CDYL2: variants seen among roughly 807,000 people sequenced by gnomAD.
CDYL2 encodes chromodomain Y like 2, also known as chromodomain Y-like protein 2.
Under a neutral mutation model 49.4 loss-of-function variants are expected in CDYL2, and 23 were observed. The ratio of observed to expected loss-of-function variants is 0.47; its 90% CI spans 0.34 to 0.66. The LOEUF is 0.66. Ranked by LOEUF, CDYL2 falls within the 30% of genes least tolerant of loss-of-function variation. The probability of loss-of-function intolerance (pLI) is 0.01; values close to 1 mark genes in which losing one functional copy is unlikely to be tolerated. For missense variants in CDYL2, 678 were observed against 656.4 expected (o/e 1.03, Z -0.36); for synonymous variants, 360 against 268.8 (o/e 1.34, Z -3.32).
intron 2 of CDYL2, among the ~76,000 whole-genome samples, chr16:80,666,379 T>C (rs559150991): frequency 1.3e-5 from 2 of 152,320 alleles, no homozygotes; most frequent in South Asian, 2.1e-4. Context: ...ATAAATTACA[T>C]GATTTGGGCA....
chr16:80,688,195 G>A (rs1910274552), intron 1 of CDYL2, among the ~76,000 whole-genome samples: 1 of 152,172 alleles, frequency 6.6e-6, no homozygotes, highest in South Asian at 2.1e-4. Flanking sequence ...GGGACATCAA[G>A]GCTAGTTCTT....
intron 2 of CDYL2, among the ~76,000 whole-genome samples, chr16:80,651,164 T>C (rs1288617803): frequency 6.6e-6 from 1 of 152,200 alleles, no homozygotes; most frequent in African/African-American, 2.4e-5. Flanking sequence ...TACCCCATTT[T>C]CTATGATGTG....
intron 3 of CDYL2, among the ~76,000 whole-genome samples, chr16:80,622,941 C>T (rs1907147547): frequency 1.3e-5 from 2 of 152,114 alleles, no homozygotes; most frequent in African/African-American, 4.8e-5. Flanking sequence ...GTGAGGTGGG[C>T]ATTATTATTA....
In CDYL2 at chr16:80,612,599, C is replaced by G. The variant is rs138315376; in HGVS notation, c.1218+27G>C. 2 of 1,572,656 alleles carry G rather than the reference C, an allele frequency of 1.3e-6. No individual in the cohort carries two copies. Among genetic ancestry groups the G allele is most frequent in the African/African-American group, 2.7e-5 (2 of 73,796 alleles). ...GCAGAGGAAGGATCCTGCTGGGACCCGAATCCAGGTATCACAGGAGGCTTA... is the reference window on the plus strand; with the variant it reads ...GCAGAGGAAGGATCCTGCTGGGACCGGAATCCAGGTATCACAGGAGGCTTA... On this transcript the variant is annotated intron_variant, in intron 5 of 6. Coordinates refer to ENST00000570137, the MANE Select transcript of CDYL2 (RefSeq NM_152342.4). The surrounding 1 kb of genome is among the most constrained non-coding windows in gnomAD (Gnocchi z 5.0).
chr16:80,645,828 C>T (rs1034349059), intron 2 of CDYL2, among the ~76,000 whole-genome samples: 20 of 151,910 alleles, frequency 1.3e-4, no homozygotes, highest in Non-Finnish European at 2.6e-4. Flanking sequence ...AGTTCATGTC[C>T]TTTGTAGGGA....
At chr16:80,663,616 G>A (rs1407913403) in intron 2 of CDYL2, among the ~76,000 whole-genome samples, 1 of 151,872 alleles carries the variant, frequency 6.6e-6, no homozygotes, top group Non-Finnish European at 1.5e-5. Context: ...TTTTGAGACA[G>A]AGTTTCATTC....
intron 1 of CDYL2, among the ~76,000 whole-genome samples, chr16:80,721,598 C>T (rs908843738): frequency 6.6e-6 from 1 of 152,198 alleles, no homozygotes; most frequent in African/African-American, 2.4e-5. Flanking sequence ...TTCTTCTAAG[C>T]AGGTTTATAT....
intron 2 of CDYL2, among the ~76,000 whole-genome samples, chr16:80,640,269 G>A (rs924454069): frequency 2.0e-5 from 3 of 152,132 alleles, no homozygotes; most frequent in Non-Finnish European, 4.4e-5. Context: ...TTGCATTTTG[G>A]ATAACAGCTC....
intron 1 of CDYL2, among the ~76,000 whole-genome samples, chr16:80,718,756 G>C (rs570541202): frequency 4.7e-4 from 72 of 152,302 alleles, no homozygotes; most frequent in African/African-American, 1.7e-3. Context: ...AGAACAATGG[G>C]CCAGAGGGCA....
chr16:80,763,782 C>A lies in CDYL2; in HGVS notation c.24+40368G>T, dbSNP rs77852072. Among the ~76,000 whole-genome samples, 59 of 152,308 alleles carry A rather than the reference C, an allele frequency of 3.9e-4. No homozygotes were observed. In the East Asian group the frequency reaches 0.011, roughly 28 times the overall value. On this transcript the variant is annotated intron_variant, in intron 1 of 6. Coordinates refer to ENST00000570137, the MANE Select transcript of CDYL2 (RefSeq NM_152342.4). ...TTCACTCACCAAATGTTTACTGAAGCATTAACACTAGGTACTGCTGTATCA... is the reference window on the plus strand; with the variant it reads ...TTCACTCACCAAATGTTTACTGAAGAATTAACACTAGGTACTGCTGTATCA...
rs781716179 is a variant in CDYL2 at position 80,620,864 on chromosome 16, T to C, written c.906A>G (p.Ala302=). The change falls in exon 4 of 7, where the codon GCA becomes GCG. Residue 302 remains alanine (A), a synonymous_variant. Transcript: ENST00000570137. ...GGCCGCTGCAGAACACGCTCCCCAC[T>C]GCGCTGAGGAGCAGCAGTTTGCTGT... ...TDDSKLLLLS[A]VGSVFCSGLD... The C allele has an allele frequency of 6.2e-6, 10 of 1,612,620 alleles. No individual in the cohort carries two copies. Among genetic ancestry groups the C allele is most frequent in the Admixed American group, 1.7e-5 (1 of 59,960 alleles).
At chr16:80,690,351 C>A (rs111548879) in intron 1 of CDYL2, among the ~76,000 whole-genome samples, 1 of 151,984 alleles carries the variant, frequency 6.6e-6, no homozygotes, top group South Asian at 2.1e-4. Flanking sequence ...GAGACCACCC[C>A]CTCCTCCTCA....
chr16:80,744,075 G>T (rs1199508713), intron 1 of CDYL2, among the ~76,000 whole-genome samples: 1 of 152,022 alleles, frequency 6.6e-6, no homozygotes, highest in Non-Finnish European at 1.5e-5. Flanking sequence ...CAGGAATTAG[G>T]TATCATTATT....
intron 1 of CDYL2, among the ~76,000 whole-genome samples, chr16:80,717,619 G>C (rs1392708506): frequency 6.6e-6 from 1 of 152,198 alleles, no homozygotes; most frequent in African/African-American, 2.4e-5. Flanking sequence ...ACCTTCTCCA[G>C]TCTCCTCCAC....
intron 1 of CDYL2, among the ~76,000 whole-genome samples, chr16:80,797,869 C>A (rs574354060): frequency 1.3e-5 from 2 of 152,320 alleles, no homozygotes; most frequent in South Asian, 2.1e-4. Flanking sequence ...TACTTCTATT[C>A]TTCCTCTAAT....
chr16:80,708,726 A>G (rs1238196484), intron 1 of CDYL2, among the ~76,000 whole-genome samples: 2 of 152,198 alleles, frequency 1.3e-5, no homozygotes, highest in East Asian at 3.9e-4. Flanking sequence ...TTAAAAATGA[A>G]CAAATAAATA....
intron 1 of CDYL2, among the ~76,000 whole-genome samples, chr16:80,702,500 A>G (rs1023018867): frequency 6.6e-6 from 1 of 152,192 alleles, no homozygotes; most frequent in Non-Finnish European, 1.5e-5. Flanking sequence ...TCTATAATTC[A>G]GCACTCTGGG....
chr16:80,606,564 G>C (rs895998232), intron 6 of CDYL2, among the ~76,000 whole-genome samples: 3 of 152,084 alleles, frequency 2.0e-5, no homozygotes, highest in African/African-American at 7.2e-5. Context: ...CCTCACTCTT[G>C]CCACTTCCTC....
chr16:80,661,542 G>T (rs541681971), intron 2 of CDYL2, among the ~76,000 whole-genome samples: 1 of 152,262 alleles, frequency 6.6e-6, no homozygotes, highest in South Asian at 2.1e-4. Flanking sequence ...CCAAGGCCAT[G>T]CCACTGGGAA....
Sources: allele counts gnomAD v4.1 joint callset (sites outside exome capture counted in the v4.1 genomes callset), GRCh38; gene constraint gnomAD v4.1.1; non-coding constraint Gnocchi (gnomAD v3.1); transcripts MANE v1.5; gene names NCBI Gene and HGNC (gene_info 2026-07-23, HGNC 2026-07-21).